The following SCFD2 variants were observed in gnomAD, a reference collection of about 807,000 sequenced individuals.
SCFD2 encodes sec1 family domain containing 2.
In SCFD2, 54 loss-of-function variants were observed where a neutral mutation model predicts 58.9. That is an observed-to-expected ratio of 0.92 (90% CI 0.74 to 1.15). The LOEUF (loss-of-function observed/expected upper bound fraction) is 1.15. Among genes scored for constraint, SCFD2 ranks in the 50% most tolerant of loss-of-function variants. SCFD2 has a pLI of 0.00. For synonymous variants in SCFD2, 321 were observed against 335.9 expected (o/e 0.96, Z 0.49); for missense variants, 805 against 836.6 (o/e 0.96, Z 0.47).
intron 4 of SCFD2, among the ~76,000 whole-genome samples, chr4:53,227,910 C>A (rs115465264): frequency 0.018 from 2,769 of 152,272 alleles, 89 homozygotes; most frequent in African/African-American, 0.063. Context: ...TTGACAATTA[C>A]ATTTTTTAAT....
rs1320905273 is a variant in SCFD2 at position 53,365,367 on chromosome 4, G to T, written c.575C>A (p.Pro192Gln). 1 of 1,614,062 alleles carries T rather than the reference G, an allele frequency of 6.2e-7. No homozygotes were observed. Among genetic ancestry groups the T allele is most frequent in the Non-Finnish European group, 8.5e-7 (1 of 1,180,042 alleles). The change falls in exon 1 of 9, where the codon CCG becomes CAG. Residue 192 changes from proline to glutamine, a missense_variant. Physicochemically the swap from Pro to Gln is moderately conservative, Grantham distance 76 (BLOSUM62 -1). This residue lies in a region of SCFD2 where 633 missense variants were observed against 646.8 expected (regional missense o/e 0.98). Coordinates refer to ENST00000401642, the MANE Select transcript of SCFD2 (RefSeq NM_152540.4). This position sits in a 1 kb window ranked among gnomAD's most constrained non-coding sequence, Gnocchi z 4.3. ...CAGGCTTCCCAGCTTCCTCTTGTCC[G>T]GTCGGGCGCTATTAAGGAGGTGCAC... ...QDVHLLNSAR[P>Q]DKRKLGSLGD...
chr4:52,888,399 G>T lies in SCFD2; in HGVS notation c.1843-2533C>A, dbSNP rs143035069. 3.5e-3 allele frequency among the ~76,000 whole-genome samples: 534 copies of T among 152,254 alleles called. 3 individuals are homozygous for T. The highest frequency in any genetic ancestry group is 0.012 in the African/African-American group (508 of 41,546). Reference sequence around the variant, plus strand: ...CAAAACACTCTCATCTTTAGAAAAAGACTCAAGTCCGCATCCTGCTCTGCA... The same window carrying T: ...CAAAACACTCTCATCTTTAGAAAAATACTCAAGTCCGCATCCTGCTCTGCA... On this transcript the variant is annotated intron_variant, in intron 7 of 8. Transcript: ENST00000401642.
intron 4 of SCFD2, among the ~76,000 whole-genome samples, chr4:53,178,341 C>A (rs1488706714): frequency 6.6e-6 from 1 of 152,154 alleles, no homozygotes; most frequent in Non-Finnish European, 1.5e-5. Context: ...TGCGGTTCAC[C>A]AATATCCGCT....
At chr4:53,314,393 T>C (rs1458010560) in intron 2 of SCFD2, among the ~76,000 whole-genome samples, 2 of 152,206 alleles carry the variant, frequency 1.3e-5, no homozygotes, top group African/African-American at 4.8e-5. Context: ...AGCACTGCAT[T>C]ATATGCAAGG....
At chr4:52,970,668 A>G (rs1229702865) in intron 5 of SCFD2, among the ~76,000 whole-genome samples, 1 of 152,200 alleles carries the variant, frequency 6.6e-6, no homozygotes, top group Non-Finnish European at 1.5e-5. Flanking sequence ...TGAAGAGAGT[A>G]GTGGTTCTCC....
At position 53,122,979 on chromosome 4, in the gene SCFD2, T is replaced by C. The variant is rs139152888; in HGVS notation, c.1561+22354A>G. ...TTCATACAAAAAAATTAGGGCTTAT[T>C]TCTGAACTGTGAGATTATTTGGAAT... On this transcript the variant is annotated intron_variant, in intron 5 of 8. Transcript: ENST00000401642. Among the ~76,000 whole-genome samples, 72 of 152,294 alleles carry C rather than the reference T, an allele frequency of 4.7e-4. 1 individual carries two copies. Among genetic ancestry groups the C allele is most frequent in the Non-Finnish European group, 8.4e-4 (57 of 68,028 alleles).
chr4:53,296,570 A>C (rs1481754142), intron 3 of SCFD2, among the ~76,000 whole-genome samples: 1 of 151,608 alleles, frequency 6.6e-6, no homozygotes, highest in Non-Finnish European at 1.5e-5. Flanking sequence ...CTATTTTGTT[A>C]ATCTCTTCAA....
At chr4:53,252,723 G>C (rs1199779370) in intron 4 of SCFD2, among the ~76,000 whole-genome samples, 1 of 152,114 alleles carries the variant, frequency 6.6e-6, no homozygotes, top group Non-Finnish European at 1.5e-5. Context: ...ACACCTTAGA[G>C]AAAAATTAAT....
intron 5 of SCFD2, among the ~76,000 whole-genome samples, chr4:53,093,802 G>A (rs1724540404): frequency 6.6e-6 from 1 of 151,910 alleles, no homozygotes; most frequent in Admixed American, 6.6e-5. Flanking sequence ...ATCTTTGCAG[G>A]AGCACTCAAG....
chr4:53,277,336 T>A (rs1731357929), intron 3 of SCFD2, among the ~76,000 whole-genome samples: 1 of 152,216 alleles, frequency 6.6e-6, no homozygotes, highest in African/African-American at 2.4e-5. Flanking sequence ...ACAAAATGGT[T>A]TCAAAACTTA....
intron 5 of SCFD2, among the ~76,000 whole-genome samples, chr4:52,955,302 T>C (rs1172544572): frequency 6.6e-6 from 1 of 152,150 alleles, no homozygotes; most frequent in Non-Finnish European, 1.5e-5. Context: ...TTGGTCTTCT[T>C]GCTACTAATT....
chr4:53,326,658 C>T (rs1304389839), intron 2 of SCFD2, among the ~76,000 whole-genome samples: 1 of 152,136 alleles, frequency 6.6e-6, no homozygotes, highest in East Asian at 1.9e-4. Flanking sequence ...AATATCTTCT[C>T]ATTCCTAGAA....
intron 5 of SCFD2, among the ~76,000 whole-genome samples, chr4:53,088,235 C>G (rs1724370995): frequency 6.6e-6 from 1 of 152,072 alleles, no homozygotes; most frequent in Non-Finnish European, 1.5e-5. Flanking sequence ...AAGAATGACC[C>G]CAAAGATGAT....
intron 5 of SCFD2, among the ~76,000 whole-genome samples, chr4:53,116,275 T>A (rs1346880211): frequency 6.6e-6 from 1 of 152,198 alleles, no homozygotes; most frequent in Non-Finnish European, 1.5e-5. Context: ...ACATTAAATG[T>A]TCATAGTGAC....
At chr4:53,299,496 GA>G (rs1400567255) in intron 3 of SCFD2, among the ~76,000 whole-genome samples, 1 of 152,204 alleles carries the variant, frequency 6.6e-6, no homozygotes, top group African/African-American at 2.4e-5. Context: ...GTGACAGGGA[GA>G]ATGGAACCAA....
At chr4:53,064,338 A>AAATGGT (rs1553873697) in intron 5 of SCFD2, among the ~76,000 whole-genome samples, 10 of 152,082 alleles carry the variant, frequency 6.6e-5, no homozygotes, top group Non-Finnish European at 1.0e-4. Context: ...AACACATACC[A>AAATGGT]TTTTGATTAA....
chr4:53,348,524 G>A (rs1482757059), intron 2 of SCFD2, among the ~76,000 whole-genome samples: 1 of 151,886 alleles, frequency 6.6e-6, no homozygotes, highest in South Asian at 2.1e-4. Flanking sequence ...AGTCTTCCAA[G>A]CAATTGAAAA....
intron 8 of SCFD2, among the ~76,000 whole-genome samples, chr4:52,877,824 C>T (rs1237560156): frequency 1.3e-5 from 2 of 152,220 alleles, no homozygotes; most frequent in Admixed American, 6.5e-5. Flanking sequence ...CCTGCAGCTT[C>T]ATCACTGCCC....
chr4:53,223,311 A>G (rs1729103627), intron 4 of SCFD2, among the ~76,000 whole-genome samples: 1 of 152,196 alleles, frequency 6.6e-6, no homozygotes, highest in Non-Finnish European at 1.5e-5. Flanking sequence ...ACAGATAGTA[A>G]GATTGCTTTA....
Sources: allele counts gnomAD v4.1 joint callset (sites outside exome capture counted in the v4.1 genomes callset), GRCh38; gene constraint gnomAD v4.1.1; regional missense constraint gnomAD v4.1.1; non-coding constraint Gnocchi (gnomAD v3.1); transcripts MANE v1.5; gene names NCBI Gene and HGNC (gene_info 2026-07-23, HGNC 2026-07-21).